Variants in ARHGAP24 observed in about 807,000 individuals in gnomAD.
The protein encoded by ARHGAP24 is rho GTPase-activating protein 24.
ARHGAP24 carries 50 observed loss-of-function variants against 76.4 expected under a neutral mutation model. That is an observed-to-expected ratio of 0.65 (90% CI 0.52 to 0.83). The LOEUF (loss-of-function observed/expected upper bound fraction) is 0.83. Among genes scored for constraint, ARHGAP24 ranks in the 40% least tolerant of loss-of-function variants. The pLI, the probability that ARHGAP24 is intolerant of heterozygous loss-of-function variation, is 0.00. For synonymous variants in ARHGAP24, 345 were observed against 323.3 expected (o/e 1.07, Z -0.72); for missense variants, 930 against 914.2 (o/e 1.02, Z -0.22).
intron 2 of ARHGAP24, among the ~76,000 whole-genome samples, chr4:85,578,305 A>G (rs1046426755): frequency 6.6e-6 from 1 of 152,216 alleles, no homozygotes; most frequent in Non-Finnish European, 1.5e-5. Context: ...AATGCTCCTC[A>G]GGTCGCTTTT....
chr4:85,865,044 A>G (rs1732117279), intron 3 of ARHGAP24, among the ~76,000 whole-genome samples: 1 of 152,078 alleles, frequency 6.6e-6, no homozygotes, highest in Non-Finnish European at 1.5e-5. Flanking sequence ...ATTATCATCC[A>G]ACAGTCGTTA....
In ARHGAP24 at chr4:85,485,735, A is replaced by G. The variant is rs180761907; in HGVS notation, c.-21+10176A>G. 3.4e-3 allele frequency among the ~76,000 whole-genome samples: 509 copies of G among 149,602 alleles called. 2 individuals are homozygous for G. Among genetic ancestry groups the G allele is most frequent in the African/African-American group, 0.011 (434 of 40,174 alleles). ...CCAAATGGCAGTGTGCTCCTTTTGA[A>G]CAGTTTTTTTTTTTTTTTTGAGACA... On this transcript the variant is annotated intron_variant, in intron 1 of 9. Coordinates refer to ENST00000395184, the MANE Select transcript of ARHGAP24 (RefSeq NM_001025616.3).
At chr4:85,847,667 T>A (rs1730963239) in intron 3 of ARHGAP24, among the ~76,000 whole-genome samples, 1 of 152,128 alleles carries the variant, frequency 6.6e-6, no homozygotes, top group South Asian at 2.1e-4. Context: ...CTGTCCTATT[T>A]GAGGAACTGC....
intron 3 of ARHGAP24, among the ~76,000 whole-genome samples, chr4:85,907,357 T>C (rs902861683): frequency 1.5e-4 from 23 of 152,218 alleles, no homozygotes; most frequent in African/African-American, 5.5e-4. Flanking sequence ...ATTTTTCTCA[T>C]CTGAATCACT....
chr4:85,699,848 T>C (rs1178702963), intron 2 of ARHGAP24, among the ~76,000 whole-genome samples: 2 of 152,196 alleles, frequency 1.3e-5, no homozygotes, highest in Non-Finnish European at 2.9e-5. Context: ...TGTTCACTGA[T>C]GTATCCAAAG....
intron 2 of ARHGAP24, among the ~76,000 whole-genome samples, chr4:85,702,296 A>C (rs899148677): frequency 3.3e-5 from 5 of 152,172 alleles, no homozygotes; most frequent in East Asian, 1.9e-4. Flanking sequence ...TTTTCAAAAA[A>C]TCTCTACTTT....
At chr4:85,556,100 G>A (rs1191464518) in intron 1 of ARHGAP24, among the ~76,000 whole-genome samples, 1 of 152,066 alleles carries the variant, frequency 6.6e-6, no homozygotes, top group Non-Finnish European at 1.5e-5. Context: ...GGGGGTGACT[G>A]CAACTGCTGG....
intron 3 of ARHGAP24, among the ~76,000 whole-genome samples, chr4:85,802,747 C>T (rs1369176038): frequency 6.6e-6 from 1 of 152,162 alleles, no homozygotes; most frequent in Non-Finnish European, 1.5e-5. Context: ...GCTGAGACCG[C>T]ACCATTGCAC....
chr4:85,617,971 C>T (rs1720595408), intron 2 of ARHGAP24, among the ~76,000 whole-genome samples: 1 of 152,178 alleles, frequency 6.6e-6, no homozygotes, highest in African/African-American at 2.4e-5. Flanking sequence ...TCCACCTCCT[C>T]ACGTAGACTT....
At chr4:85,499,374 A>G (rs1723708077) in intron 1 of ARHGAP24, among the ~76,000 whole-genome samples, 1 of 152,208 alleles carries the variant, frequency 6.6e-6, no homozygotes, top group African/African-American at 2.4e-5. Flanking sequence ...AGAATCATTC[A>G]GAAGATAGCA....
intron 1 of ARHGAP24, among the ~76,000 whole-genome samples, chr4:85,489,635 G>T (rs890937788): frequency 2.0e-5 from 3 of 152,140 alleles, no homozygotes; most frequent in Non-Finnish European, 4.4e-5. Flanking sequence ...ACAAACCTTT[G>T]CAGGAAGCTT....
intron 2 of ARHGAP24, among the ~76,000 whole-genome samples, chr4:85,688,933 C>CT (rs1452968555): frequency 1.3e-5 from 2 of 152,022 alleles, no homozygotes; most frequent in Non-Finnish European, 1.5e-5. Context: ...CAGAACCATG[C>CT]TTTTTTGGTT....
intron 1 of ARHGAP24, among the ~76,000 whole-genome samples, chr4:85,489,858 C>T (rs1723288750): frequency 6.6e-6 from 1 of 152,044 alleles, no homozygotes; most frequent in South Asian, 2.1e-4. Flanking sequence ...AACACTCGGA[C>T]CAAATAAGGA....
intron 3 of ARHGAP24, among the ~76,000 whole-genome samples, chr4:85,853,826 C>T (rs945439236): frequency 6.6e-6 from 1 of 152,064 alleles, no homozygotes; most frequent in East Asian, 1.9e-4. Flanking sequence ...TAGTGGCACA[C>T]ACCTGTAGTG....
chr4:85,548,552 A>T (rs1182466922), intron 1 of ARHGAP24, among the ~76,000 whole-genome samples: 1 of 152,206 alleles, frequency 6.6e-6, no homozygotes. Flanking sequence ...TATATTCAAT[A>T]TATGTGTCTG....
chr4:85,599,756 A>G (rs1013622618), intron 2 of ARHGAP24, among the ~76,000 whole-genome samples: 21 of 152,164 alleles, frequency 1.4e-4, no homozygotes, highest in African/African-American at 4.6e-4. Context: ...TGTATTTACT[A>G]TTTCATAATA....
At chr4:85,524,845 A>G (rs1724917849) in intron 1 of ARHGAP24, among the ~76,000 whole-genome samples, 1 of 152,180 alleles carries the variant, frequency 6.6e-6, no homozygotes, top group Non-Finnish European at 1.5e-5. Context: ...CTCAGGCTGT[A>G]TAATATAGAC....
rs373292923 is a variant in ARHGAP24 at position 85,507,314 on chromosome 4, TG to T, written c.-21+31758del. On this transcript the variant is annotated intron_variant, in intron 1 of 9. Transcript: ENST00000395184. ...ATGGCTCACTGTAGCCTTAACATAC[TG>T]GGCACAAGTGATCCTCCTGCCTCAG... Among the ~76,000 whole-genome samples the T allele has an allele frequency of 1.4e-4, 21 of 152,248 alleles. No individual in the cohort carries two copies. The South Asian group carries it at 1.7e-3, about 12-fold the overall frequency.
chr4:85,757,262 A>T (rs1469820407), intron 3 of ARHGAP24, among the ~76,000 whole-genome samples: 3 of 149,904 alleles, frequency 2.0e-5, no homozygotes, highest in African/African-American at 7.4e-5. Flanking sequence ...ACATGTGCAG[A>T]ACATGCAGGT....
Sources: gnomAD v4.1 joint callset for allele counts (sites outside exome capture counted in the v4.1 genomes callset) on GRCh38, gnomAD v4.1.1 for gene constraint, MANE v1.5 for transcripts, NCBI Gene and HGNC (gene_info 2026-07-23, HGNC 2026-07-21) for gene names.